CDH13: variants seen among roughly 807,000 people sequenced by gnomAD.
The protein encoded by CDH13 is cadherin 13, also known as cadherin-13.
A neutral mutation model predicts 63.8 loss-of-function variants in CDH13; 24 were observed. That is an observed-to-expected ratio of 0.38 (90% CI 0.27 to 0.53). CDH13 has a LOEUF of 0.53. Among genes scored for constraint, CDH13 ranks in the 20% least tolerant of loss-of-function variants. The probability of loss-of-function intolerance (pLI) is 0.85; values close to 1 mark genes in which losing one functional copy is unlikely to be tolerated. For synonymous variants in CDH13, 503 were observed against 355.3 expected (o/e 1.42, Z -4.67); for missense variants, 1,049 against 903.1 (o/e 1.16, Z -2.07).
chr16:83,627,249 G>A (rs12928647), intron 8 of CDH13, among the ~76,000 whole-genome samples: 9 of 152,060 alleles, frequency 5.9e-5, no homozygotes, highest in African/African-American at 1.4e-4. Context: ...GAGATTGTGC[G>A]CCTGCACTCC....
intron 2 of CDH13, among the ~76,000 whole-genome samples, chr16:82,890,501 A>G (rs964332616): frequency 6.6e-6 from 1 of 152,202 alleles, no homozygotes; most frequent in Non-Finnish European, 1.5e-5. Context: ...GGTGTCAGCT[A>G]TGGAGTCATC....
intron 2 of CDH13, among the ~76,000 whole-genome samples, chr16:82,893,180 C>A (rs1184875503): frequency 6.6e-6 from 1 of 152,204 alleles, no homozygotes; most frequent in Non-Finnish European, 1.5e-5. Flanking sequence ...CTCAAAATTA[C>A]TAGAGCCAAT....
At chr16:83,140,361 A>G (rs187454355) in intron 4 of CDH13, among the ~76,000 whole-genome samples, 3 of 152,338 alleles carry the variant, frequency 2.0e-5, no homozygotes, top group Admixed American at 6.5e-5. Context: ...GACCATTGCT[A>G]TGGCCAACAC....
rs150774067 is a variant in CDH13 at position 82,923,323 on chromosome 16, T to G, written c.157+64850T>G. Among the ~76,000 whole-genome samples the G allele has an allele frequency of 6.6e-5, 10 of 152,376 alleles. No homozygotes were observed. In the East Asian group the frequency reaches 1.9e-3, roughly 29 times the overall value. On this transcript the variant is annotated intron_variant, in intron 2 of 13. Transcript: ENST00000567109. The stretch of plus-strand genomic sequence containing the variant: ...AGTGAAGTGAGTTTAAGGACTGGTG[T>G]GCATGGTATGCTCAGAACTACATTT...
chr16:82,852,582 C>G (rs866015463), intron 1 of CDH13, among the ~76,000 whole-genome samples: 3 of 152,190 alleles, frequency 2.0e-5, no homozygotes, highest in Admixed American at 6.5e-5. Flanking sequence ...AATGGAGCAG[C>G]AGCACCATGT....
chr16:82,776,717 A>ACTTAATGGGGGAACCACCTTGGAAAAG (rs2035514248), intron 1 of CDH13, among the ~76,000 whole-genome samples: 1 of 152,210 alleles, frequency 6.6e-6, no homozygotes, highest in Non-Finnish European at 1.5e-5. Flanking sequence ...AACACTTAGT[A>ACTTAATGGGGGAACCACCTTGGAAAAG]CTTAATGGGG....
At chr16:83,002,617 A>G (rs528221139) in intron 2 of CDH13, among the ~76,000 whole-genome samples, 2 of 152,364 alleles carry the variant, frequency 1.3e-5, no homozygotes, top group South Asian at 4.1e-4. Context: ...AATAAAATGT[A>G]TTCAATGTTG....
At chr16:82,656,810 A>G (rs560142680) in intron 1 of CDH13, among the ~76,000 whole-genome samples, 1 of 152,054 alleles carries the variant, frequency 6.6e-6, no homozygotes. Flanking sequence ...CCTTTCCCAG[A>G]ATGTCATATG....
intron 4 of CDH13, among the ~76,000 whole-genome samples, chr16:83,161,642 G>C (rs894410936): frequency 2.0e-5 from 3 of 151,842 alleles, no homozygotes; most frequent in Middle Eastern, 3.4e-3. Flanking sequence ...TCCCTCCCCC[G>C]CCTTGACTGT....
intron 3 of CDH13, among the ~76,000 whole-genome samples, chr16:83,094,625 A>G (rs1258493650): frequency 6.6e-6 from 1 of 152,194 alleles, no homozygotes; most frequent in African/African-American, 2.4e-5. Context: ...GTCAGCCTCC[A>G]ACTTCCCAGT....
chr16:83,387,433 G>C (rs1461362503), intron 6 of CDH13, among the ~76,000 whole-genome samples: 2 of 152,158 alleles, frequency 1.3e-5, no homozygotes, highest in Non-Finnish European at 2.9e-5. Context: ...GCTCAAAATG[G>C]ATATTAGCTC....
intron 1 of CDH13, among the ~76,000 whole-genome samples, chr16:82,782,158 T>C (rs772090962): frequency 1.3e-5 from 2 of 152,004 alleles, no homozygotes; most frequent in Non-Finnish European, 2.9e-5. Flanking sequence ...GAACATATGG[T>C]GGTATTATTA....
chr16:83,481,895 G>C (rs1449728140), intron 6 of CDH13, among the ~76,000 whole-genome samples: 4 of 152,164 alleles, frequency 2.6e-5, no homozygotes, highest in African/African-American at 9.7e-5. Context: ...TGCATGAGCT[G>C]GTGAAAACAA....
intron 1 of CDH13, among the ~76,000 whole-genome samples, chr16:82,828,707 TACAC>T (rs979439141): frequency 1.6e-4 from 25 of 151,956 alleles, no homozygotes; most frequent in African/African-American, 5.3e-4. Flanking sequence ...TATACATATA[TACAC>T]ACACACATTC....
intron 2 of CDH13, among the ~76,000 whole-genome samples, chr16:82,905,144 G>A (rs191123663): frequency 6.6e-6 from 1 of 152,186 alleles, no homozygotes; most frequent in Non-Finnish European, 1.5e-5. Flanking sequence ...AGCCACGGCT[G>A]CTGACAGCAG....
chr16:83,447,422 A>G (rs112745323), intron 6 of CDH13, among the ~76,000 whole-genome samples: 2 of 152,190 alleles, frequency 1.3e-5, no homozygotes, highest in African/African-American at 4.8e-5. Context: ...TCCCAAAAAA[A>G]CAAAGAAAAA....
chr16:83,369,997 C>T (rs550712758), intron 6 of CDH13, among the ~76,000 whole-genome samples: 1 of 152,320 alleles, frequency 6.6e-6, no homozygotes, highest in African/African-American at 2.4e-5. Context: ...ACAGTTGATG[C>T]CATCTGAAAC....
At chr16:83,142,950 A>C (rs2036598096) in intron 4 of CDH13, among the ~76,000 whole-genome samples, 1 of 152,214 alleles carries the variant, frequency 6.6e-6, no homozygotes, top group Non-Finnish European at 1.5e-5. Flanking sequence ...CTGAAAATAC[A>C]AAATTAGCTG....
intron 5 of CDH13, among the ~76,000 whole-genome samples, chr16:83,242,236 A>G (rs1327184683): frequency 2.6e-5 from 4 of 152,214 alleles, no homozygotes; most frequent in Admixed American, 2.6e-4. Context: ...ATTGCTTTGT[A>G]GTATGTTTCT....
Sources: gnomAD v4.1 joint callset for allele counts (sites outside exome capture counted in the v4.1 genomes callset) on GRCh38, gnomAD v4.1.1 for gene constraint, MANE v1.5 for transcripts, NCBI Gene and HGNC (gene_info 2026-07-23, HGNC 2026-07-21) for gene names.